Variants in UPF1 observed in about 807,000 individuals in gnomAD.
The protein encoded by UPF1 is regulator of nonsense transcripts 1.
UPF1 carries 9 observed loss-of-function variants against 129.2 expected under a neutral mutation model. The observed-to-expected ratio is 0.07, with a 90% CI of 0.04 to 0.12. UPF1 has a LOEUF of 0.12. Ranked by LOEUF, UPF1 falls within the 10% of genes least tolerant of loss-of-function variation. The pLI, the probability that UPF1 is intolerant of heterozygous loss-of-function variation, is 1.00. For synonymous variants in UPF1, 649 were observed against 644.9 expected, an observed-to-expected ratio of 1.01 and a Z score of -0.10; for missense variants, 788 against 1,525.3, an observed-to-expected ratio of 0.52 and a Z score of 8.05.
chr19:18,844,192 C>A (rs1166657676), intron 1 of UPF1, among the ~76,000 whole-genome samples: 1 of 151,076 alleles, frequency 6.6e-6, no homozygotes. Flanking sequence ...GTTAGAGACT[C>A]CAGCTCTGGG....
Position 18,832,086 on chromosome 19 carries a change from T to G in UPF1, c.-124T>G. ...CCGGCTGGCGCCGGGGCGCGCGGTT[T>G]GGTCCTTTCCGGGCGCGCGGGGGCG... On this transcript the variant is annotated 5_prime_UTR_variant, in exon 1 of 24. Transcript: ENST00000262803. This position sits in a 1 kb window ranked among gnomAD's most constrained non-coding sequence, Gnocchi z 5.6. 1.0e-6 allele frequency: 1 copy of G among 959,170 alleles called. No individual in the cohort carries two copies. Among genetic ancestry groups the G allele is most frequent in the South Asian group, 2.6e-5 (1 of 39,192 alleles). The allele number at this position is 959,170 out of a possible 1,614,324, so 59.4% of individuals were successfully genotyped here.
At position 18,865,275 on chromosome 19, in the gene UPF1, A is replaced by G; in HGVS notation, c.2858-14A>G. ...AGGCAGGTGACACCTGCCGTGTTCCACTGTGATTTGCAGGCCGGCCTTCCA... is the reference window on the plus strand; with the variant it reads ...AGGCAGGTGACACCTGCCGTGTTCCGCTGTGATTTGCAGGCCGGCCTTCCA... On this transcript the variant is annotated splice_polypyrimidine_tract_variant and intron_variant, in intron 20 of 23. Transcript: ENST00000262803. This position sits in a 1 kb window ranked among gnomAD's most constrained non-coding sequence, Gnocchi z 6.1. 3 of 1,595,738 alleles carry G rather than the reference A, an allele frequency of 1.9e-6. No individual in the cohort carries two copies. The highest frequency in any genetic ancestry group is 2.6e-6 in the Non-Finnish European group (3 of 1,165,746).
intron 20 of UPF1, among the ~76,000 whole-genome samples, chr19:18,864,791 G>A (rs990623028): frequency 1.4e-5 from 2 of 147,136 alleles, no homozygotes; most frequent in African/African-American, 5.1e-5. Flanking sequence ...CCAAGCTGGA[G>A]TACAGTGGTG....
chr19:18,862,239 G>C, intron 18 of UPF1, 87 bp downstream of exon 18: 1 of 1,555,192 alleles, frequency 6.4e-7, no homozygotes, highest in Non-Finnish European at 8.7e-7. Context: ...GGGGTTGCCA[G>C]GGCCAGAGGT....
chr19:18,863,409 G>A, intron 18 of UPF1, 29 bp from the exon 19 acceptor site: 2 of 1,602,720 alleles, frequency 1.2e-6, no homozygotes, highest in Non-Finnish European at 1.7e-6. Context: ...CTCTCCACCT[G>A]CGTCCTCAGC....
chr19:18,847,661 C>A, intron 2 of UPF1, 83 bp from the exon 3 acceptor site: 1 of 1,335,992 alleles, frequency 7.5e-7, no homozygotes, highest in Non-Finnish European at 1.1e-6. Flanking sequence ...AAAATGTTGT[C>A]AGAGGAAAGA....
intron 14 of UPF1, 100 bp from the exon 15 acceptor site, chr19:18,857,219 TG>T: frequency 6.8e-7 from 1 of 1,467,486 alleles, no homozygotes; most frequent in Non-Finnish European, 9.2e-7. Context: ...TGTGGCCAGG[TG>T]GTGTCCTGTG....
In UPF1 at chr19:18,853,925, C is replaced by T. The variant is rs1179888896; in HGVS notation, c.1156+575C>T. ...TCAGACTCAGGCTGCCTCTTGGTGA[C>T]TGGCCAATGCTGCTGGGGCCTGACC... On this transcript the variant is annotated intron_variant, in intron 8 of 23. Coordinates refer to ENST00000262803, the MANE Select transcript of UPF1 (RefSeq NM_002911.4). This position sits in a 1 kb window ranked among gnomAD's most constrained non-coding sequence, Gnocchi z 4.4. 6.6e-6 allele frequency among the ~76,000 whole-genome samples: 1 copy of T among 152,214 alleles called. No individual in the cohort carries two copies. Among genetic ancestry groups the T allele is most frequent in the Non-Finnish European group, 1.5e-5 (1 of 68,044 alleles).
Position 18,865,555 on chromosome 19 carries a change from T to C in UPF1, c.3020-6T>C. On this transcript the variant is annotated splice_polypyrimidine_tract_variant and splice_region_variant and intron_variant, in intron 21 of 23. Coordinates refer to ENST00000262803, the MANE Select transcript of UPF1 (RefSeq NM_002911.4). The surrounding 1 kb of genome is among the most constrained non-coding windows in gnomAD (Gnocchi z 6.1). Reference sequence around the variant, plus strand: ...CTTCGGATCACCCTGGACTGCTGTCTTTCAGGGCGAGGCACCCCGAAAGGC... The same window carrying C: ...CTTCGGATCACCCTGGACTGCTGTCCTTCAGGGCGAGGCACCCCGAAAGGC... 1 of 1,613,914 alleles carries C rather than the reference T, an allele frequency of 6.2e-7. No individual in the cohort carries two copies.
At chr19:18,842,787 G>A (rs186028710) in intron 1 of UPF1, among the ~76,000 whole-genome samples, 21 of 152,114 alleles carry the variant, frequency 1.4e-4, no homozygotes, top group Non-Finnish European at 2.8e-4. Context: ...ATCACCTGAG[G>A]TTGGGAGTTC....
At chr19:18,841,897 T>G in intron 1 of UPF1, among the ~76,000 whole-genome samples, 1 of 152,168 alleles carries the variant, frequency 6.6e-6, no homozygotes, top group East Asian at 1.9e-4. Context: ...AGGCCCTTTC[T>G]CTTTGGGAAG....
chr19:18,846,323 C>T (rs1018903137), intron 2 of UPF1, among the ~76,000 whole-genome samples: 7 of 152,192 alleles, frequency 4.6e-5, no homozygotes, highest in South Asian at 2.1e-4. Context: ...CAGCAACCTC[C>T]GACACCCTGA....
chr19:18,865,393 G>C lies in UPF1; in HGVS notation c.2962G>C (p.Val988Leu). The change falls in exon 21 of 24, where the codon GTC becomes CTC. Residue 988 changes from valine to leucine, a missense_variant. By Grantham distance (32) the Val-to-Leu change is conservative. Around this residue, in one of 6 missense-constraint regions of UPF1, gnomAD observed 218 missense variants for 318.1 expected, o/e 0.69. Transcript: ENST00000262803. The surrounding 1 kb of genome is among the most constrained non-coding windows in gnomAD (Gnocchi z 6.1). Reference protein sequence around the residue: ...AMNIPIPFNLVMPPMPPPGYF... With the variant: ...AMNIPIPFNLLMPPMPPPGYF... ...GAACATTCCCATCCCCTTCAACCTG[G>C]TCATGCCACCCATGCCACCGCCTGG... The C allele has an allele frequency of 6.2e-7, 1 of 1,614,058 alleles. No homozygotes were observed. The highest frequency in any genetic ancestry group is 8.5e-7 in the Non-Finnish European group (1 of 1,179,994).
At chr19:18,842,256 G>A (rs959362730) in intron 1 of UPF1, among the ~76,000 whole-genome samples, 2 of 152,182 alleles carry the variant, frequency 1.3e-5, no homozygotes, top group Non-Finnish European at 2.9e-5. Context: ...CTGGGACTTG[G>A]ATTCTTAAAA....
chr19:18,855,380 G>T (rs528133178), intron 11 of UPF1, 138 bp downstream of exon 11: 43 of 877,648 alleles, frequency 4.9e-5, no homozygotes, highest in Non-Finnish European at 7.0e-5. Context: ...GGTGCCTACC[G>T]CTCTCTATGT....
intron 15 of UPF1, chr19:18,859,368 T>C (rs1226940162): frequency 6.6e-6 from 1 of 152,244 alleles, no homozygotes; most frequent in East Asian, 1.9e-4. Context: ...TCTGGCTCAA[T>C]GAGTGGTTAC....
chr19:18,855,524 C>G (rs781463878), intron 11 of UPF1: 3 of 543,286 alleles, frequency 5.5e-6, no homozygotes, highest in Non-Finnish European at 9.9e-6. Context: ...TATAGTGTGG[C>G]GGGATGGTGC....
At chr19:18,864,080 C>T in intron 19 of UPF1, 90 bp from the exon 20 acceptor site, 2 of 1,135,060 alleles carry the variant, frequency 1.8e-6, no homozygotes, top group Non-Finnish European at 2.7e-6. Context: ...CTCACAGCTG[C>T]ATACCTGCCA....
chr19:18,854,287 G>T (rs2055691552), intron 8 of UPF1, among the ~76,000 whole-genome samples: 1 of 152,220 alleles, frequency 6.6e-6, no homozygotes, highest in Admixed American at 6.5e-5. Flanking sequence ...CTGCTGGTGA[G>T]CGCTGCTGGC....
Sources: allele counts gnomAD v4.1 joint callset (sites outside exome capture counted in the v4.1 genomes callset), GRCh38; gene constraint gnomAD v4.1.1; regional missense constraint gnomAD v4.1.1; non-coding constraint Gnocchi (gnomAD v3.1); transcripts MANE v1.5; gene names NCBI Gene and HGNC (gene_info 2026-07-23, HGNC 2026-07-21).